The following TDRD12 variants were observed in gnomAD, a reference collection of about 807,000 sequenced individuals.
TDRD12 encodes putative ATP-dependent RNA helicase TDRD12.
In TDRD12, 158 loss-of-function variants were observed where a neutral mutation model predicts 133.5. The ratio of observed to expected loss-of-function variants is 1.18; its 90% confidence interval spans 1.04 to 1.35. The LOEUF (loss-of-function observed/expected upper bound fraction) is 1.35, where lower values mean the gene tolerates loss of function less well. TDRD12 is among the 40% of genes most tolerant of loss of function. The probability of loss-of-function intolerance (pLI) is 0.00; values close to 1 mark genes in which losing one functional copy is unlikely to be tolerated. For missense variants in TDRD12, 1,443 were observed against 1,321.3 expected (o/e 1.09, Z -1.43); for synonymous variants, 460 against 477.9 (o/e 0.96, Z 0.49).
intron 8 of TDRD12, among the ~76,000 whole-genome samples, chr19:32,769,087 A>G (rs1599560744): frequency 1.3e-5 from 2 of 152,110 alleles, no homozygotes; most frequent in African/African-American, 4.8e-5. Context: ...TATTATAGAT[A>G]GATTTCCTTC....
In TDRD12 at chr19:32,798,442, G is replaced by A. The variant is rs987453345; in HGVS notation, c.1758+7G>A. 35 of 1,529,124 alleles carry A rather than the reference G, an allele frequency of 2.3e-5. No homozygotes were observed. The highest frequency in any genetic ancestry group is 6.9e-5 in the African/African-American group (5 of 72,942). The allele number at this position is 1,529,124 out of a possible 1,614,324, so 94.7% of individuals were successfully genotyped here. A position where few individuals can be genotyped will look rare whatever the true frequency, so the allele number is the denominator to read the frequency against. The stretch of plus-strand genomic sequence containing the variant: ...CTTGGAAGCCAATGAACAGGTGAGC[G>A]TGGCTTAAGGTCCTCAGCACTCAGA... On this transcript the variant is annotated splice_region_variant and intron_variant, in intron 16 of 27. Coordinates refer to ENST00000444215, the Ensembl canonical transcript of TDRD12.
At chr19:32,797,701 G>C in intron 14 of TDRD12, 34 bp from the exon 15 acceptor site, 1 of 643,006 alleles carries the variant, frequency 1.6e-6, no homozygotes, top group Non-Finnish European at 2.8e-6. Flanking sequence ...CCTAACTACT[G>C]TCTGGAGTCA....
chr19:32,725,134 A>T (rs959057441), intron 1 of TDRD12, among the ~76,000 whole-genome samples: 1 of 152,222 alleles, frequency 6.6e-6, no homozygotes, highest in African/African-American at 2.4e-5. Flanking sequence ...GAAAGATTGC[A>T]AAAATTTTCT....
At chr19:32,803,816 G>T (rs552958337) in intron 21 of TDRD12, among the ~76,000 whole-genome samples, 4 of 152,242 alleles carry the variant, frequency 2.6e-5, no homozygotes, top group Non-Finnish European at 4.4e-5. Context: ...GATTAATGAT[G>T]TTGAATATCT....
intron 23 of TDRD12, among the ~76,000 whole-genome samples, chr19:32,810,552 G>A (rs1256094347): frequency 6.6e-6 from 1 of 152,100 alleles, no homozygotes; most frequent in African/African-American, 2.4e-5. Flanking sequence ...CTATCAAGTG[G>A]GCATCATTCC....
chr19:32,778,838 A>G (rs1248557360), intron 11 of TDRD12, among the ~76,000 whole-genome samples: 2 of 152,140 alleles, frequency 1.3e-5, no homozygotes, highest in Non-Finnish European at 2.9e-5. Flanking sequence ...TTTCGTATTA[A>G]AAAGTTCTGT....
chr19:32,780,063 T>C (rs1599575551), intron 11 of TDRD12, among the ~76,000 whole-genome samples: 1 of 150,898 alleles, frequency 6.6e-6, no homozygotes, highest in East Asian at 2.0e-4. Context: ...TCTCCGAATA[T>C]GCCCATTCTT....
exon 21 of TDRD12, chr19:32,803,044 A>T (rs1971447230): frequency 2.0e-6 from 3 of 1,536,104 alleles, no homozygotes; most frequent in Non-Finnish European, 1.7e-6. Context: ...AGGTCCCCGC[A>T]GAGCTGTACG....
At chr19:32,827,486 TCTC>T (rs1404907455) in exon 10 of TDRD12, 2 of 243,680 alleles carry the variant, frequency 8.2e-6, no homozygotes, top group Non-Finnish European at 1.5e-5. Context: ...CTCAAGCAAT[TCTC>T]CTGCCTCAGC....
intron 2 of TDRD12, among the ~76,000 whole-genome samples, chr19:32,736,581 A>G (rs1225406648): frequency 1.3e-5 from 2 of 152,206 alleles, no homozygotes; most frequent in African/African-American, 4.8e-5. Flanking sequence ...AATACCCTTC[A>G]TCCTTTGTCA....
chr19:32,790,633 A>C, intron 12 of TDRD12, 42 bp downstream of exon 12: 3 of 1,551,522 alleles, frequency 1.9e-6, no homozygotes, highest in Non-Finnish European at 2.6e-6. Context: ...AAGAGAGAAA[A>C]AACTGTTTAT....
chr19:32,796,578 T>G (rs1599598291), intron 14 of TDRD12, among the ~76,000 whole-genome samples: 1 of 146,992 alleles, frequency 6.8e-6, no homozygotes, highest in African/African-American at 2.5e-5. Context: ...AGAGCCAAAC[T>G]CCATCTCAAA....
At position 32,790,002 on chromosome 19, in the gene TDRD12, C is replaced by CA. The variant is rs1229916207; in HGVS notation, c.1122-519dup. Reference sequence around the variant, plus strand: ...GAGTAACAAGAGCGAAACTCCATCTCAAAAAAAAAAGAAAAAAGAAAAAAC... The same window carrying CA: ...GAGTAACAAGAGCGAAACTCCATCTCAAAAAAAAAAAGAAAAAAGAAAAAAC... On this transcript the variant is annotated intron_variant, in intron 11 of 27. Transcript: ENST00000444215. Among the ~76,000 whole-genome samples the CA allele has an allele frequency of 3.7e-3, 538 of 144,512 alleles. 4 individuals carry two copies. Among genetic ancestry groups the CA allele is most frequent in the African/African-American group, 0.012 (462 of 39,406 alleles). The allele number at this position is 144,512 out of a possible 152,430, so 94.8% of individuals were successfully genotyped here. A position where few individuals can be genotyped will look rare whatever the true frequency, so the allele number is the denominator to read the frequency against.
In TDRD12 at chr19:32,790,593, T is replaced by A. The variant is rs1196657538; in HGVS notation, c.1182+2T>A. 6.4e-7 allele frequency: 1 copy of A among 1,551,892 alleles called. No individual in the cohort carries two copies. Among genetic ancestry groups the A allele is most frequent in the Non-Finnish European group, 8.7e-7 (1 of 1,147,054 alleles). ...GACGGAATCTCTGATCTCCAGCAGG[T>A]ATTACAGGCCCTAAAAAAAGTAAAA... is the stretch of plus-strand genomic sequence containing the variant. On this transcript the variant is annotated splice_donor_variant, in intron 12 of 27. Coordinates refer to ENST00000444215, the Ensembl canonical transcript of TDRD12. LOFTEE classifies it high-confidence loss of function.
chr19:32,777,455 A>G lies in TDRD12; in HGVS notation c.1121+226A>G, dbSNP rs11667164. The stretch of plus-strand genomic sequence containing the variant: ...GTTCCAGTGTAAGTAGTCATTTTCT[A>G]CCTTGCCTTCTGGATTCTCTTGGTG... On this transcript the variant is annotated intron_variant, in intron 11 of 27. Coordinates refer to ENST00000444215, the Ensembl canonical transcript of TDRD12. Among the ~76,000 whole-genome samples the G allele has an allele frequency of 8.2e-3, 1,251 of 152,028 alleles. 39 individuals carry two copies. The East Asian group carries it at 0.1, about 12-fold the overall frequency.
At position 32,827,322 on chromosome 19, in the gene TDRD12, C is replaced by T. The variant is rs1034097610; in HGVS notation, c.*156C>T. ...ACAAAAATGGATATTGCCATGTGAC[C>T]GACAGTTAAGAAAACAGTCAGTCAT... On this transcript the variant is annotated 3_prime_UTR_variant, in exon 10 of 10. Coordinates refer to the TDRD12 transcript ENST00000637289. 12 of 1,021,370 alleles carry T rather than the reference C, an allele frequency of 1.2e-5. No individual in the cohort carries two copies. In the African/African-American group the frequency reaches 1.4e-4, roughly 12 times the overall value. The allele number at this position is 1,021,370 out of a possible 1,614,324, so 63.3% of individuals were successfully genotyped here.
At chr19:32,755,996 G>A (rs753366004) in exon 7 of TDRD12, 15 of 1,464,446 alleles carry the variant, frequency 1.0e-5, no homozygotes, top group South Asian at 2.9e-5. Flanking sequence ...TTACAGGTTT[G>A]TGTTAATGAT....
At chr19:32,758,448 C>T (rs1423971443) in intron 8 of TDRD12, among the ~76,000 whole-genome samples, 2 of 152,068 alleles carry the variant, frequency 1.3e-5, no homozygotes, top group Non-Finnish European at 2.9e-5. Context: ...GAAAAAATGC[C>T]AAACGGAAAG....
At chr19:32,802,694 G>A (rs1174286682) in exon 20 of TDRD12, 5 of 1,536,218 alleles carry the variant, frequency 3.3e-6, no homozygotes, top group Admixed American at 3.9e-5. Flanking sequence ...GGCCATCACC[G>A]ATGCCACGTG....
Sources: allele counts gnomAD v4.1 joint callset (sites outside exome capture counted in the v4.1 genomes callset), GRCh38; gene constraint gnomAD v4.1.1; transcripts MANE v1.5; gene names NCBI Gene and HGNC (gene_info 2026-07-23, HGNC 2026-07-21).